Variants in AFF3 observed in about 807,000 individuals in gnomAD.
AFF3 encodes the protein AF4/FMR2 family member 3.
Under a neutral mutation model 129.7 loss-of-function variants are expected in AFF3, and 32 were observed. That is an observed-to-expected ratio of 0.25 (90% CI 0.19 to 0.33). AFF3 has a LOEUF of 0.33. Ranked by LOEUF, AFF3 falls within the 10% of genes least tolerant of loss-of-function variation. AFF3 has a pLI of 1.00. For missense variants in AFF3, 1,373 were observed against 1,592.0 expected (o/e 0.86, Z 2.34); for synonymous variants, 644 against 635.4 (o/e 1.01, Z -0.20).
chr2:99,753,756 G>A (rs889129623), intron 8 of AFF3, among the ~76,000 whole-genome samples: 3 of 152,172 alleles, frequency 2.0e-5, no homozygotes, highest in Admixed American at 6.5e-5. Context: ...ACAGTAGGTG[G>A]GTTAGGCACA....
At chr2:99,615,544 A>G (rs1245104258) in intron 13 of AFF3, among the ~76,000 whole-genome samples, 1 of 152,240 alleles carries the variant, frequency 6.6e-6, no homozygotes, top group Non-Finnish European at 1.5e-5. Context: ...GGGAGCTGCC[A>G]TGTGGCCTGG....
chr2:100,000,320 G>A (rs908123294), intron 7 of AFF3, among the ~76,000 whole-genome samples: 3 of 151,972 alleles, frequency 2.0e-5, no homozygotes, highest in East Asian at 3.9e-4. Context: ...AAACAAATAC[G>A]CAGAAAAAGA....
chr2:99,586,191 A>G (rs1678097611), intron 16 of AFF3, among the ~76,000 whole-genome samples: 1 of 152,132 alleles, frequency 6.6e-6, no homozygotes, highest in Non-Finnish European at 1.5e-5. Context: ...TGGGGACTAC[A>G]TTTTCCCCAT....
chr2:100,108,868 A>AC (rs1222281136), intron 2 of AFF3, among the ~76,000 whole-genome samples: 3 of 135,658 alleles, frequency 2.2e-5, no homozygotes, highest in Non-Finnish European at 4.7e-5. Flanking sequence ...GACATTCTAC[A>AC]CCCTGGGAAT....
chr2:100,125,232 G>A (rs1692135910), intron 2 of AFF3, among the ~76,000 whole-genome samples: 1 of 152,130 alleles, frequency 6.6e-6, no homozygotes, highest in Non-Finnish European at 1.5e-5. Flanking sequence ...AGATAAAAAT[G>A]CAAATGTCAG....
chr2:99,979,108 G>C (rs183886840), intron 7 of AFF3, among the ~76,000 whole-genome samples: 7 of 149,512 alleles, frequency 4.7e-5, no homozygotes, highest in Admixed American at 2.6e-4. Flanking sequence ...TGTATTAATA[G>C]ATATATTTGC....
intron 7 of AFF3, among the ~76,000 whole-genome samples, chr2:99,885,067 C>A (rs1008045823): frequency 6.6e-6 from 1 of 152,166 alleles, no homozygotes; most frequent in Non-Finnish European, 1.5e-5. Flanking sequence ...GACTCACCAG[C>A]CGTTAATAGC....
At position 99,739,676 on chromosome 2, in the gene AFF3, C is replaced by G. The variant is rs145609603; in HGVS notation, c.1039+4428G>C. Among the ~76,000 whole-genome samples, 19 of 152,188 alleles carry G rather than the reference C, an allele frequency of 1.2e-4. No individual in the cohort carries two copies. The East Asian group carries it at 3.5e-3, about 28-fold the overall frequency. On this transcript the variant is annotated intron_variant, in intron 10 of 24. Transcript: ENST00000672756. ...GTTTATACAATCTTTCCTTTAGTAT[C>G]TATAATACAGTCTTTCTCACTTCAA...
At chr2:100,045,466 T>C (rs1376212741) in intron 4 of AFF3, among the ~76,000 whole-genome samples, 1 of 152,198 alleles carries the variant, frequency 6.6e-6, no homozygotes, top group African/African-American at 2.4e-5. Context: ...CCTTTAAGGC[T>C]ATCAATGAAT....
intron 4 of AFF3, among the ~76,000 whole-genome samples, chr2:100,096,596 C>A (rs987173364): frequency 3.4e-5 from 5 of 148,050 alleles, no homozygotes; most frequent in Non-Finnish European, 5.9e-5. Flanking sequence ...GTCTGTGGAC[C>A]AAAACTAATA....
intron 7 of AFF3, among the ~76,000 whole-genome samples, chr2:99,868,987 C>T (rs1333875664): frequency 2.6e-5 from 4 of 152,036 alleles, no homozygotes; most frequent in South Asian, 2.1e-4. Context: ...GAGATGGTCT[C>T]GCTTTGTTGC....
intron 4 of AFF3, among the ~76,000 whole-genome samples, chr2:100,052,353 T>C (rs921421968): frequency 6.6e-6 from 1 of 152,222 alleles, no homozygotes; most frequent in Non-Finnish European, 1.5e-5. Flanking sequence ...GAAGTAGCTC[T>C]AGATCTTCTA....
intron 1 of AFF3, among the ~76,000 whole-genome samples, chr2:100,130,448 T>C (rs1232569676): frequency 7.2e-5 from 11 of 152,192 alleles, no homozygotes; most frequent in African/African-American, 2.7e-4. Context: ...GAGATGCCAA[T>C]GCATTTGTGA....
chr2:99,953,449 C>G (rs537507185), intron 7 of AFF3, among the ~76,000 whole-genome samples: 1 of 152,256 alleles, frequency 6.6e-6, no homozygotes, highest in African/African-American at 2.4e-5. Flanking sequence ...TAAAAGAAGA[C>G]CATAAACGTA....
At chr2:99,973,053 T>C (rs552714323) in intron 7 of AFF3, among the ~76,000 whole-genome samples, 1 of 152,330 alleles carries the variant, frequency 6.6e-6, no homozygotes, top group East Asian at 1.9e-4. Flanking sequence ...CTTGATCTGA[T>C]CAGAAATAAA....
chr2:99,732,760 A>G (rs1679938330), intron 10 of AFF3, among the ~76,000 whole-genome samples: 1 of 152,190 alleles, frequency 6.6e-6, no homozygotes, highest in South Asian at 2.1e-4. Context: ...CATATGGCCA[A>G]CTTTAGCAGG....
intron 10 of AFF3, among the ~76,000 whole-genome samples, chr2:99,727,630 C>T (rs753354187): frequency 5.4e-4 from 81 of 150,148 alleles, no homozygotes; most frequent in Middle Eastern, 3.4e-3. Flanking sequence ...GGCACAATCT[C>T]GGCTCACTGC....
At chr2:99,669,745 G>A (rs62154559) in intron 12 of AFF3, among the ~76,000 whole-genome samples, 5,259 of 152,242 alleles carry the variant, frequency 0.035, 113 homozygotes, top group Non-Finnish European at 0.044. Context: ...CGAGGCGGGT[G>A]GATCACTTGA....
chr2:99,902,256 T>C (rs111734498), intron 7 of AFF3, among the ~76,000 whole-genome samples: 26 of 152,172 alleles, frequency 1.7e-4, no homozygotes, highest in African/African-American at 6.3e-4. Flanking sequence ...GGAAGTCACA[T>C]GCTACAATTA....
Sources: allele counts gnomAD v4.1 joint callset (sites outside exome capture counted in the v4.1 genomes callset), GRCh38; gene constraint gnomAD v4.1.1; transcripts MANE v1.5; gene names NCBI Gene and HGNC (gene_info 2026-07-23, HGNC 2026-07-21).